FBN2: variants seen among roughly 807,000 people sequenced by gnomAD.
FBN2 encodes the protein fibrillin 2, also known as fibrillin-2.
Under a neutral mutation model 355.6 loss-of-function variants are expected in FBN2, and 105 were observed. The ratio of observed to expected loss-of-function variants is 0.30; its 90% CI spans 0.25 to 0.35. The LOEUF (loss-of-function observed/expected upper bound fraction) is 0.35. FBN2 is among the 10% of genes least tolerant of loss of function. The probability of loss-of-function intolerance (pLI) is 1.00; values close to 1 mark genes in which losing one functional copy is unlikely to be tolerated. For missense variants in FBN2, 3,280 were observed against 3,758.7 expected (o/e 0.87, Z 3.33); for synonymous variants, 1,350 against 1,301.2 (o/e 1.04, Z -0.81).
chr5:128,522,879 C>CA (rs758107398), intron 4 of FBN2, among the ~76,000 whole-genome samples: 16 of 152,132 alleles, frequency 1.1e-4, no homozygotes, highest in Non-Finnish European at 1.9e-4. Context: ...TTACACCTAG[C>CA]ATGACAGTGG....
chr5:128,398,519 T>G (rs1752708956), intron 8 of FBN2, among the ~76,000 whole-genome samples: 1 of 152,046 alleles, frequency 6.6e-6, no homozygotes, highest in Non-Finnish European at 1.5e-5. Context: ...TGAAATAAAG[T>G]ATCTGACAAA....
intron 7 of FBN2, among the ~76,000 whole-genome samples, chr5:128,440,220 T>C (rs961285115): frequency 1.4e-4 from 22 of 152,246 alleles, no homozygotes; most frequent in Admixed American, 1.4e-3. Flanking sequence ...AAGTACACTC[T>C]TGGCTATTTT....
In FBN2 at chr5:128,312,676, C is replaced by A. The variant is rs770318897; in HGVS notation, c.4837G>T (p.Ala1613Ser). 3 of 1,613,934 alleles carry A rather than the reference C, an allele frequency of 1.9e-6. No individual in the cohort carries two copies. The highest frequency in any genetic ancestry group is 1.3e-5 in the African/African-American group (1 of 74,970). ...CATGTCTCACAGGGGTTTCCCCAGG[C>A]CTTTCCCAGAGAGCAGCAGCATGAA... ...RSSCCCSLGK[A>S]WGNPCETCPP... Residue 1613 changes from alanine (A) to serine (S), a missense_variant, in exon 37 of 65, where the codon GCC (alanine) becomes TCC (serine). By Grantham distance (99) the Ala-to-Ser change is moderately conservative. Transcript: ENST00000262464.
intron 6 of FBN2, among the ~76,000 whole-genome samples, chr5:128,454,382 G>GT (rs1460588038): frequency 6.6e-6 from 1 of 152,144 alleles, no homozygotes; most frequent in African/African-American, 2.4e-5. Flanking sequence ...GGAATAACTT[G>GT]TGTTAATACA....
chr5:128,277,291 GT>G (rs1477477378), intron 58 of FBN2, among the ~76,000 whole-genome samples: 1 of 152,206 alleles, frequency 6.6e-6, no homozygotes, highest in Non-Finnish European at 1.5e-5. Flanking sequence ...ATATATAGGT[GT>G]GAGTGAGACA....
At chr5:128,351,118 C>T (rs1430249318) in intron 20 of FBN2, 113 bp from the exon 21 acceptor site, 4 of 1,280,756 alleles carry the variant, frequency 3.1e-6, no homozygotes, top group East Asian at 2.4e-5. Flanking sequence ...ATTACTGGCT[C>T]ACGCCTGTAA....
chr5:128,504,276 C>T (rs1179923231), intron 5 of FBN2, among the ~76,000 whole-genome samples: 2 of 152,194 alleles, frequency 1.3e-5, no homozygotes, highest in Non-Finnish European at 2.9e-5. Flanking sequence ...GCAGCCCCCA[C>T]ACAGAGTCCC....
intron 62 of FBN2, among the ~76,000 whole-genome samples, chr5:128,266,483 C>A (rs1370727332): frequency 2.0e-5 from 3 of 151,978 alleles, no homozygotes; most frequent in African/African-American, 7.3e-5. Flanking sequence ...AAGTGCTCAC[C>A]CCAGGATCTC....
intron 5 of FBN2, among the ~76,000 whole-genome samples, chr5:128,488,198 C>T (rs1239568900): frequency 8.0e-6 from 1 of 125,092 alleles, no homozygotes; most frequent in Non-Finnish European, 1.5e-5. Context: ...ACTCAAGAAT[C>T]TATTACAAAA....
intron 59 of FBN2, among the ~76,000 whole-genome samples, 176 bp from the exon 60 acceptor site, chr5:128,274,859 G>A (rs753885954): frequency 6.6e-5 from 10 of 152,152 alleles, no homozygotes; most frequent in African/African-American, 1.9e-4. Flanking sequence ...ACATATTTAA[G>A]CAGAATAAAT....
intron 34 of FBN2, 52 bp from the exon 35 acceptor site, chr5:128,319,053 T>G: frequency 2.1e-6 from 3 of 1,421,770 alleles, no homozygotes; most frequent in Non-Finnish European, 3.0e-6. Context: ...ATTTTAAAAT[T>G]TTAATGTAAT....
chr5:128,357,540 G>A lies in FBN2; in HGVS notation c.2555-145C>T, dbSNP rs1290373983. 10 of 959,612 alleles carry A rather than the reference G, an allele frequency of 1.0e-5. No homozygotes were observed. The African/African-American group carries it at 1.1e-4, about 11-fold the overall frequency. 59.4% of individuals were successfully genotyped at this position (959,612 alleles called of 1,614,324 possible). ...GATCTATGAAGCATAAAGTGAATGG[G>A]GAATGGAGACATGCATTTTACATCG... On this transcript the variant is annotated intron_variant, in intron 19 of 64. Coordinates refer to ENST00000262464, the MANE Select transcript of FBN2 (RefSeq NM_001999.4).
At chr5:128,287,069 A>G (rs563512952) in intron 54 of FBN2, among the ~76,000 whole-genome samples, 18 of 152,326 alleles carry the variant, frequency 1.2e-4, no homozygotes, top group Non-Finnish European at 2.6e-4. Flanking sequence ...CTTTGCCTTA[A>G]TAAGAATCCA....
At chr5:128,510,412 CA>C in intron 5 of FBN2, among the ~76,000 whole-genome samples, 1 of 152,310 alleles carries the variant, frequency 6.6e-6, no homozygotes, top group East Asian at 1.9e-4. Flanking sequence ...TTTCAGGCAG[CA>C]AGCTGCGGAA....
In FBN2 at chr5:128,372,919, G is replaced by A. The variant is rs537921152; in HGVS notation, c.2095+1709C>T. ...TGGGATTACAGGCATGAGCCACTGC[G>A]CCAGGCCTCATCTCAAACTTAAAGA... is the stretch of plus-strand genomic sequence containing the variant. On this transcript the variant is annotated intron_variant, in intron 15 of 64. Coordinates refer to ENST00000262464, the MANE Select transcript of FBN2 (RefSeq NM_001999.4). 9.2e-5 allele frequency among the ~76,000 whole-genome samples: 14 copies of A among 152,200 alleles called. No homozygotes were observed. The East Asian group carries it at 2.3e-3, about 25-fold the overall frequency.
At chr5:128,447,504 T>A (rs757103885) in intron 6 of FBN2, among the ~76,000 whole-genome samples, 10 of 152,180 alleles carry the variant, frequency 6.6e-5, no homozygotes, top group Non-Finnish European at 1.2e-4. Context: ...TCCCGCCTAA[T>A]AAATTTTGGT....
At chr5:128,456,013 A>AC in intron 6 of FBN2, among the ~76,000 whole-genome samples, 6 of 147,030 alleles carry the variant, frequency 4.1e-5, no homozygotes, top group South Asian at 2.2e-4. Context: ...AAAAAAAAAA[A>AC]AAAAAAAAAA....
In FBN2 at chr5:128,469,730, C is replaced by T. The variant is rs140804306; in HGVS notation, c.629-4809G>A. ...AAAGTTCCTGAATTCAAAAAATGAA[C>T]GGGTGAATGTGTTAATGTGGAAGAT... On this transcript the variant is annotated intron_variant, in intron 5 of 64. Coordinates refer to ENST00000262464, the MANE Select transcript of FBN2 (RefSeq NM_001999.4). Among the ~76,000 whole-genome samples, 372 of 152,116 alleles carry T rather than the reference C, an allele frequency of 2.4e-3. 3 individuals are homozygous for T. The highest frequency in any genetic ancestry group is 8.2e-3 in the African/African-American group (341 of 41,500).
At chr5:128,429,386 T>C (rs993592042) in intron 7 of FBN2, among the ~76,000 whole-genome samples, 8 of 152,178 alleles carry the variant, frequency 5.3e-5, no homozygotes, top group Non-Finnish European at 1.2e-4. Flanking sequence ...GTTTACAGTA[T>C]AGCAGTATTC....
Sources: gnomAD v4.1 joint callset for allele counts (sites outside exome capture counted in the v4.1 genomes callset) on GRCh38, gnomAD v4.1.1 for gene constraint, MANE v1.5 for transcripts, NCBI Gene and HGNC (gene_info 2026-07-23, HGNC 2026-07-21) for gene names.